Variants in INVS observed in about 807,000 individuals in gnomAD.
INVS encodes the protein inversin.
In INVS, 86 loss-of-function variants were observed where a neutral mutation model predicts 108.8. The ratio of observed to expected loss-of-function variants is 0.79; its 90% confidence interval spans 0.66 to 0.95. INVS has a LOEUF of 0.95. INVS is among the 40% of genes least tolerant of loss of function. The probability of loss-of-function intolerance (pLI) is 0.00; values close to 1 mark genes in which losing one functional copy is unlikely to be tolerated. For missense variants in INVS, 1,169 were observed against 1,297.4 expected (o/e 0.90, Z 1.52); for synonymous variants, 455 against 473.5 (o/e 0.96, Z 0.51).
chr9:100,253,086 A>T lies in INVS; in HGVS notation c.1414A>T (p.Met472Leu), dbSNP rs1350102873. ...AGCATATGGAGGCTATATCAACTGC[A>T]TGGCAGTTCTCATGGAAAACAATGC... Reference protein sequence around the residue: ...CAAYGGYINCMAVLMENNADP... With the variant: ...CAAYGGYINCLAVLMENNADP... The change falls in exon 10 of 17, where the codon ATG becomes TTG. Residue 472 changes from methionine (M) to leucine (L), a missense_variant. By Grantham distance (15) the Met-to-Leu change is conservative. Around this residue, in one of 3 missense-constraint regions of INVS, gnomAD observed 271 missense variants for 363.8 expected, o/e 0.74. Coordinates refer to ENST00000262457, the MANE Select transcript of INVS (RefSeq NM_014425.5). 1 of 1,613,928 alleles carries T rather than the reference A, an allele frequency of 6.2e-7. No individual in the cohort carries two copies. The highest frequency in any genetic ancestry group is 2.2e-5 in the East Asian group (1 of 44,878).
intron 3 of INVS, among the ~76,000 whole-genome samples, chr9:100,146,480 C>T (rs1424664296): frequency 5.3e-5 from 8 of 152,164 alleles, no homozygotes; most frequent in Admixed American, 5.2e-4. Flanking sequence ...ACGTGCAGGT[C>T]ACAGGAGATA....
intron 3 of INVS, among the ~76,000 whole-genome samples, chr9:100,135,919 A>G (rs1828208938): frequency 6.6e-6 from 1 of 152,058 alleles, no homozygotes; most frequent in Admixed American, 6.6e-5. Context: ...AAACTTACAA[A>G]GGAGACAGTA....
chr9:100,170,962 G>A (rs114317792), intron 3 of INVS, among the ~76,000 whole-genome samples: 14 of 152,300 alleles, frequency 9.2e-5, no homozygotes, highest in African/African-American at 3.4e-4. Flanking sequence ...ATAGGAAAAT[G>A]TAAGAGAGGC....
chr9:100,192,358 T>C (rs564226754), intron 3 of INVS, among the ~76,000 whole-genome samples: 1 of 152,168 alleles, frequency 6.6e-6, no homozygotes, highest in African/African-American at 2.4e-5. Flanking sequence ...TTATCCATAT[T>C]GTTGCACATA....
intron 3 of INVS, among the ~76,000 whole-genome samples, chr9:100,185,516 A>AATAT (rs35603398): frequency 0.024 from 2,621 of 109,740 alleles, 57 homozygotes; most frequent in East Asian, 0.053. Flanking sequence ...TATGCATAGA[A>AATAT]ATATATATAT....
intron 3 of INVS, among the ~76,000 whole-genome samples, chr9:100,172,202 A>G (rs979541913): frequency 1.3e-5 from 2 of 152,196 alleles, no homozygotes; most frequent in Admixed American, 6.5e-5. Flanking sequence ...TTGGACCCTT[A>G]CTTATGAATC....
chr9:100,297,576 A>C (rs944825895), intron 15 of INVS, among the ~76,000 whole-genome samples: 1 of 152,226 alleles, frequency 6.6e-6, no homozygotes, highest in Non-Finnish European at 1.5e-5. Context: ...AGAATGCTCA[A>C]CACCCATGCA....
chr9:100,266,939 C>G (rs561322506), intron 11 of INVS, among the ~76,000 whole-genome samples: 10 of 143,470 alleles, frequency 7.0e-5, no homozygotes, highest in Non-Finnish European at 1.2e-4. Context: ...TTCCTGTTTT[C>G]TAGAACCAAC....
In INVS at chr9:100,226,172, G is replaced by C; in HGVS notation, c.384G>C (p.Lys128Asn). 6.2e-7 allele frequency: 1 copy of C among 1,614,072 alleles called. No individual in the cohort carries two copies. Residue 128 changes from lysine (K) to asparagine (N), a missense_variant, in exon 4 of 17, where the codon AAG (lysine) becomes AAC (asparagine). By Grantham distance (94) the Lys-to-Asn change is moderately conservative (BLOSUM62 0). Coordinates refer to ENST00000262457, the MANE Select transcript of INVS (RefSeq NM_014425.5). ...TGACCACCCGGCACAGGAGCCCTAA[G>C]TGTTTGGCACTTCTGCTGAAGTTTA... is the stretch of plus-strand genomic sequence containing the variant. ...LHLTTRHRSPKCLALLLKFMA... is the reference protein window; with the variant it reads ...LHLTTRHRSPNCLALLLKFMA...
intron 12 of INVS, among the ~76,000 whole-genome samples, chr9:100,276,053 A>G (rs1243241755): frequency 2.0e-5 from 3 of 152,100 alleles, no homozygotes; most frequent in Non-Finnish European, 4.4e-5. Context: ...CTCCCTTCTC[A>G]CATCTTTTAA....
At chr9:100,127,534 G>A (rs929519082) in intron 3 of INVS, among the ~76,000 whole-genome samples, 6 of 152,030 alleles carry the variant, frequency 3.9e-5, no homozygotes, top group Admixed American at 3.3e-4. Context: ...TTAGATTTCT[G>A]TATTTTTTGA....
chr9:100,203,606 G>A (rs543439687), intron 3 of INVS, among the ~76,000 whole-genome samples: 39 of 148,494 alleles, frequency 2.6e-4, no homozygotes, highest in African/African-American at 9.3e-4. Flanking sequence ...CAGTTCAAGC[G>A]ATTCTCCTGC....
chr9:100,138,160 C>T (rs1236904420), intron 3 of INVS, among the ~76,000 whole-genome samples: 2 of 152,136 alleles, frequency 1.3e-5, no homozygotes, highest in Admixed American at 1.3e-4. Context: ...AATCCCAATA[C>T]TTTGGGAGGC....
At chr9:100,202,066 G>T (rs1336804230) in intron 3 of INVS, among the ~76,000 whole-genome samples, 1 of 151,230 alleles carries the variant, frequency 6.6e-6, no homozygotes, top group Non-Finnish European at 1.5e-5. Flanking sequence ...CTTCTGACTG[G>T]GTGTTGAAAA....
At chr9:100,226,475 T>C (rs1044379627) in intron 4 of INVS, among the ~76,000 whole-genome samples, 1 of 152,008 alleles carries the variant, frequency 6.6e-6, no homozygotes, top group East Asian at 1.9e-4. Flanking sequence ...CTCAGGAAGA[T>C]TAAAAGTTTG....
At chr9:100,242,373 T>A (rs935942263) in intron 6 of INVS, among the ~76,000 whole-genome samples, 197 bp from the exon 7 acceptor site, 1 of 152,208 alleles carries the variant, frequency 6.6e-6, no homozygotes, top group Non-Finnish European at 1.5e-5. Flanking sequence ...AAGTTTTTAG[T>A]AAGTTTTCAT....
At position 100,255,580 on chromosome 9, in the gene INVS, T is replaced by C. The variant is rs1464275976; in HGVS notation, c.1464+2444T>C. Among the ~76,000 whole-genome samples the C allele has an allele frequency of 4.6e-5, 7 of 152,208 alleles. No homozygotes were observed. The South Asian group carries it at 1.4e-3, about 32-fold the overall frequency. ...ATAAATAGCTCTTATTATTTTGAGA[T>C]ACGTCCCATCAATACCTAGTTTATT... is the stretch of plus-strand genomic sequence containing the variant. On this transcript the variant is annotated intron_variant, in intron 10 of 16. Transcript: ENST00000262457.
chr9:100,295,117 C>A (rs576999215), intron 14 of INVS, among the ~76,000 whole-genome samples: 2 of 152,310 alleles, frequency 1.3e-5, no homozygotes, highest in African/African-American at 4.8e-5. Flanking sequence ...AATCTAGGAT[C>A]TAAACAAGCC....
intron 3 of INVS, among the ~76,000 whole-genome samples, chr9:100,217,472 C>T (rs1208971081): frequency 1.3e-5 from 2 of 152,122 alleles, no homozygotes; most frequent in African/African-American, 4.8e-5. Context: ...AGACGAAAAG[C>T]GTCATTACTA....
Sources: gnomAD v4.1 joint callset for allele counts (sites outside exome capture counted in the v4.1 genomes callset) on GRCh38, gnomAD v4.1.1 for gene constraint, gnomAD v4.1.1 regional missense constraint, MANE v1.5 for transcripts, NCBI Gene and HGNC (gene_info 2026-07-23, HGNC 2026-07-21) for gene names.